Variants in PRH1 observed in about 807,000 individuals in gnomAD.
PRH1 encodes salivary acidic proline-rich phosphoprotein 1/2.
PRH1 carries 7 observed loss-of-function variants against 7.9 expected under a neutral mutation model. That is an observed-to-expected ratio of 0.89 (90% CI 0.50 to 1.67). PRH1 has a LOEUF of 1.67. Among genes scored for constraint, PRH1 ranks in the 40% most tolerant of loss-of-function variants. The probability of loss-of-function intolerance (pLI) is 0.00; values close to 1 mark genes in which losing one functional copy is unlikely to be tolerated. For synonymous variants in PRH1, 45 were observed against 80.8 expected, an observed-to-expected ratio of 0.56 and a Z score of 2.38; for missense variants, 109 against 223.6, an observed-to-expected ratio of 0.49 and a Z score of 3.27.
At chr12:10,940,358 C>G (rs1248942493) in intron 2 of PRH1, among the ~76,000 whole-genome samples, 2 of 152,138 alleles carry the variant, frequency 1.3e-5, no homozygotes, top group Non-Finnish European at 2.9e-5. Flanking sequence ...GTTTTAAACA[C>G]ATTTAAAAAG....
Position 10,900,179 on chromosome 12 carries a change from G to A in PRH1, c.-58-15904C>T, listed in dbSNP as rs941310887. Among the ~76,000 whole-genome samples the A allele has an allele frequency of 3.3e-5, 5 of 152,156 alleles. No homozygotes were observed. In the East Asian group the frequency reaches 9.6e-4, roughly 29 times the overall value. On this transcript the variant is annotated intron_variant, in intron 2 of 3. Transcript: ENST00000539853. ...AAAAAAGTGAATGAAGCTCCAGTAG[G>A]TGAGAGAGGCAGAGAGCCTCCCTCT...
intron 2 of PRH1, among the ~76,000 whole-genome samples, chr12:10,923,427 C>G (rs922444204): frequency 7.2e-5 from 11 of 152,350 alleles, no homozygotes; most frequent in South Asian, 2.1e-4. Flanking sequence ...ACATGCCCAG[C>G]CTTCGATGAA....
intron 1 of PRH1, among the ~76,000 whole-genome samples, chr12:11,029,618 A>G (rs931220680): frequency 7.2e-5 from 11 of 152,392 alleles, no homozygotes; most frequent in Admixed American, 7.2e-4. Flanking sequence ...AGCGGAAGAA[A>G]TGACGTTTCT....
chr12:11,026,187 C>T (rs759435394), intron 1 of PRH1, among the ~76,000 whole-genome samples: 17 of 152,212 alleles, frequency 1.1e-4, no homozygotes, highest in African/African-American at 4.1e-4. Flanking sequence ...AGGCATGCAC[C>T]AACACACCAG....
At chr12:11,114,796 G>A (rs1414273056) in intron 1 of PRH1, among the ~76,000 whole-genome samples, 1 of 152,070 alleles carries the variant, frequency 6.6e-6, no homozygotes, top group Admixed American at 6.6e-5. Flanking sequence ...TTGTTTGTTT[G>A]CTTATGCGAA....
At chr12:11,156,326 T>G (rs976321804) in intron 1 of PRH1, among the ~76,000 whole-genome samples, 4 of 152,216 alleles carry the variant, frequency 2.6e-5, no homozygotes, top group African/African-American at 9.6e-5. Flanking sequence ...CTGTAGCATT[T>G]ATATGTTAAT....
intron 1 of PRH1, among the ~76,000 whole-genome samples, chr12:11,066,158 G>C (rs1274955065): frequency 6.6e-6 from 1 of 151,210 alleles, no homozygotes; most frequent in African/African-American, 2.4e-5. Flanking sequence ...AACTGAATCT[G>C]GTGTTTCTAA....
rs535091039 is a variant in PRH1, at chr12:10,895,025, T to C, written c.-58-10750A>G. 3.3e-5 allele frequency: 5 copies of C among 152,238 alleles called. No individual in the cohort carries two copies. In the South Asian group the frequency reaches 8.3e-4, roughly 25 times the overall value. The allele number at this position is 152,238 out of a possible 1,614,324, so 9.4% of individuals were successfully genotyped here. On this transcript the variant is annotated intron_variant, in intron 2 of 3. Transcript: ENST00000539853. ...GAGAGAAGCTTGCTTCAGTTTGCTG[T>C]CCCGTAAAATTAGAAGAAATGAATG...
chr12:11,059,922 G>C (rs937799881), intron 1 of PRH1, among the ~76,000 whole-genome samples: 5 of 151,958 alleles, frequency 3.3e-5, no homozygotes, highest in Non-Finnish European at 5.9e-5. Flanking sequence ...TGGGTTCTAG[G>C]TCCTGGGAGT....
rs1462209441 is a variant in PRH1, at chr12:11,029,816, T to C, written c.-126+17204A>G. ...CTCACTCAAATTCTACTGTGTGCAT[T>C]CTTTTCTAACAATAATTCTCATTGC... On this transcript the variant is annotated intron_variant, in intron 1 of 3. Transcript: ENST00000539853. 5.1e-4 allele frequency among the ~76,000 whole-genome samples: 77 copies of C among 152,000 alleles called. 1 individual carries two copies. The highest frequency in any genetic ancestry group is 5.0e-3 in the Admixed American group (77 of 15,252).
In PRH1 at chr12:11,097,648, AATG is replaced by A. The variant is rs997708440; in HGVS notation, n.124-50463_124-50461del. 6.1e-5 allele frequency among the ~76,000 whole-genome samples: 7 copies of A among 114,398 alleles called. 3 individuals are homozygous for A. Among genetic ancestry groups the A allele is most frequent in the Non-Finnish European group, 4.2e-5 (2 of 48,162 alleles). 75.0% of individuals were successfully genotyped at this position (114,398 alleles called of 152,430 possible). A position where few individuals can be genotyped will look rare whatever the true frequency, so the allele number is the denominator to read the frequency against. Reference sequence around the variant, plus strand: ...CTGTTTACTATTGTAACTTTCCCACAATGATGATCTTTTTAAAATTACTTATTT... The same window carrying A: ...CTGTTTACTATTGTAACTTTCCCACAATGATCTTTTTAAAATTACTTATTT... On this transcript the variant is annotated intron_variant and non_coding_transcript_variant, in intron 1 of 4. Transcript: ENST00000541977.
At chr12:10,996,089 G>C (rs1292763899) in intron 1 of PRH1, among the ~76,000 whole-genome samples, 1 of 151,828 alleles carries the variant, frequency 6.6e-6, no homozygotes, top group East Asian at 1.9e-4. Context: ...GGCTGAGGCA[G>C]TGGATCACTT....
At chr12:11,064,404 T>C (rs1329359069) in intron 1 of PRH1, among the ~76,000 whole-genome samples, 3 of 152,106 alleles carry the variant, frequency 2.0e-5, no homozygotes, top group African/African-American at 7.2e-5. Flanking sequence ...CTGTAATGAT[T>C]GATCTATCCT....
intron 1 of PRH1, among the ~76,000 whole-genome samples, chr12:11,163,150 A>G (rs1947466975): frequency 6.6e-6 from 1 of 152,240 alleles, no homozygotes; most frequent in Admixed American, 6.5e-5. Flanking sequence ...TACAGAGAAT[A>G]TTAGCATGGC....
intron 1 of PRH1, chr12:11,077,200 T>G (rs568620790): frequency 3.4e-5 from 5 of 146,778 alleles, no homozygotes; most frequent in Non-Finnish European, 6.2e-5. Flanking sequence ...TAGATATCTA[T>G]TCTGAAATTA....
At chr12:10,985,287 T>C (rs1325707987) in intron 1 of PRH1, among the ~76,000 whole-genome samples, 1 of 152,132 alleles carries the variant, frequency 6.6e-6, no homozygotes, top group African/African-American at 2.4e-5. Context: ...CTCAGTACTG[T>C]TTATGGTAGA....
chr12:10,907,602 C>T (rs1336304288), intron 2 of PRH1, among the ~76,000 whole-genome samples: 2 of 151,888 alleles, frequency 1.3e-5, no homozygotes, highest in Non-Finnish European at 2.9e-5. Flanking sequence ...CAAAAACTCT[C>T]TTATTGTTAC....
chr12:11,091,115 C>CACACATATATATATATATAT (rs751016037), intron 1 of PRH1, among the ~76,000 whole-genome samples: 523 of 25,066 alleles, frequency 0.021, 65 homozygotes, highest in East Asian at 0.13. Flanking sequence ...CACACACACA[C>CACACATATATATATATATAT]ATATATATAT....
intron 1 of PRH1, among the ~76,000 whole-genome samples, chr12:11,154,332 T>C (rs1947189822): frequency 6.6e-6 from 1 of 152,060 alleles, no homozygotes; most frequent in Non-Finnish European, 1.5e-5. Flanking sequence ...AAACTGACAA[T>C]AGATAAATAA....
Sources: allele counts gnomAD v4.1 joint callset (sites outside exome capture counted in the v4.1 genomes callset), GRCh38; gene constraint gnomAD v4.1.1; transcripts MANE v1.5; gene names NCBI Gene and HGNC (gene_info 2026-07-23, HGNC 2026-07-21).